NEDD4L: variants seen among roughly 807,000 people sequenced by gnomAD.
NEDD4L encodes the protein NEDD4 like E3 ubiquitin protein ligase, also known as E3 ubiquitin-protein ligase NEDD4-like.
In NEDD4L, 54 loss-of-function variants were observed where a neutral mutation model predicts 148.9. That is an observed-to-expected ratio of 0.36 (90% CI 0.29 to 0.45). The LOEUF (loss-of-function observed/expected upper bound fraction) is 0.45, where lower values mean the gene tolerates loss of function less well. Among genes scored for constraint, NEDD4L ranks in the 20% least tolerant of loss-of-function variants. NEDD4L has a pLI of 1.00. For missense variants in NEDD4L, 856 were observed against 1,233.8 expected (o/e 0.69, Z 4.59); for synonymous variants, 433 against 440.7 (o/e 0.98, Z 0.22).
intron 2 of NEDD4L, among the ~76,000 whole-genome samples, chr18:58,226,229 C>A (rs1320319545): frequency 1.3e-5 from 2 of 152,188 alleles, no homozygotes; most frequent in Admixed American, 1.3e-4. Context: ...GGAATATCCT[C>A]AGAGAGAATT....
chr18:58,358,080 A>G (rs924120525), intron 19 of NEDD4L, among the ~76,000 whole-genome samples: 5 of 152,234 alleles, frequency 3.3e-5, no homozygotes, highest in African/African-American at 1.2e-4. Flanking sequence ...AGTTTGTTAT[A>G]TCACATGCTG....
chr18:58,103,293 T>TA, intron 1 of NEDD4L, among the ~76,000 whole-genome samples: 1 of 147,922 alleles, frequency 6.8e-6, no homozygotes, highest in African/African-American at 2.5e-5. Flanking sequence ...ATATATATAA[T>TA]TATATATTAT....
chr18:58,191,727 G>C (rs1340969450), intron 2 of NEDD4L, among the ~76,000 whole-genome samples: 2 of 152,166 alleles, frequency 1.3e-5, no homozygotes, highest in Non-Finnish European at 2.9e-5. Flanking sequence ...GCATATAATT[G>C]GTGATTTCAG....
Position 58,165,793 on chromosome 18 carries a change from G to A in NEDD4L, c.54G>A (p.Glu18=). The A allele has an allele frequency of 1.2e-6, 2 of 1,610,294 alleles. No homozygotes were observed. The highest frequency in any genetic ancestry group is 1.7e-6 in the Non-Finnish European group (2 of 1,177,952). ...TTTTGTTCTCCTTCTCACAGGGAGAGTCCCGTATTCTCAGAGTAAAAGTTG... is the reference window on the plus strand; with the variant it reads ...TTTTGTTCTCCTTCTCACAGGGAGAATCCCGTATTCTCAGAGTAAAAGTTG... ...PVYGLSEDEG[E]SRILRVKVVS... is the part of the protein sequence containing the mutation. The change falls in exon 2 of 31, where the codon GAG becomes GAA. Residue 18 remains glutamate (E), a synonymous_variant. Coordinates refer to ENST00000400345, the MANE Select transcript of NEDD4L (RefSeq NM_001144967.3).
chr18:58,316,127 C>T (rs559224703), intron 6 of NEDD4L, 95 bp downstream of exon 6: 35 of 1,023,416 alleles, frequency 3.4e-5, no homozygotes, highest in East Asian at 1.2e-4. Context: ...TTCTTCACCA[C>T]GGTGAAGAAG....
intron 5 of NEDD4L, among the ~76,000 whole-genome samples, chr18:58,311,917 A>G (rs1049306891): frequency 2.0e-5 from 3 of 152,174 alleles, no homozygotes; most frequent in Non-Finnish European, 4.4e-5. Context: ...TCCCAGTGGC[A>G]TCCACCCTTG....
intron 1 of NEDD4L, among the ~76,000 whole-genome samples, chr18:58,159,398 C>T (rs1018587968): frequency 2.0e-5 from 3 of 151,966 alleles, no homozygotes; most frequent in South Asian, 2.1e-4. Context: ...CGATGGGCTT[C>T]GGGTGATTTC....
intron 5 of NEDD4L, among the ~76,000 whole-genome samples, chr18:58,281,080 C>G (rs1452826072): frequency 6.6e-6 from 1 of 152,104 alleles, no homozygotes; most frequent in Non-Finnish European, 1.5e-5. Context: ...TGGGCTCAAG[C>G]GATCCTCCCG....
At chr18:58,047,550 T>C in intron 1 of NEDD4L, 2 of 975,088 alleles carry the variant, frequency 2.1e-6, no homozygotes, top group Non-Finnish European at 2.4e-6. Flanking sequence ...TGTGAATGTA[T>C]GTGCTGTTTA....
At chr18:58,353,639 C>CCT (rs898651666) in intron 18 of NEDD4L, among the ~76,000 whole-genome samples, 6 of 152,202 alleles carry the variant, frequency 3.9e-5, no homozygotes, top group African/African-American at 1.4e-4. Flanking sequence ...CTGCAGAATA[C>CCT]CTATCTTTTG....
intron 2 of NEDD4L, among the ~76,000 whole-genome samples, chr18:58,186,761 ACT>A (rs997160208): frequency 4.6e-5 from 7 of 152,050 alleles, no homozygotes; most frequent in African/African-American, 1.7e-4. Flanking sequence ...GCTTGCATAG[ACT>A]CTCTTCTCAT....
rs2081624390 is a variant in NEDD4L, at chr18:58,047,183, AGTTTGCAGACTTGGT to A, written c.48+2478_48+2492del. 5.3e-6 allele frequency: 5 copies of A among 941,116 alleles called. No homozygotes were observed. The South Asian group carries it at 1.5e-4, about 28-fold the overall frequency. The allele number at this position is 941,116 out of a possible 1,614,324, so 58.3% of individuals were successfully genotyped here. A position where few individuals can be genotyped will look rare whatever the true frequency, so the allele number is the denominator to read the frequency against. ...AGGCGTATTAAATATGGGTACACTT[AGTTTGCAGACTTGGT>A]GTGCTGCAGAATATCACATATGAAG... On this transcript the variant is annotated intron_variant, in intron 1 of 30. Transcript: ENST00000400345.
chr18:58,369,212 G>A (rs546060175), intron 22 of NEDD4L, among the ~76,000 whole-genome samples: 33 of 152,182 alleles, frequency 2.2e-4, no homozygotes, highest in Non-Finnish European at 4.3e-4. Context: ...GCATTTGAGC[G>A]TTCAAAGGCT....
At chr18:58,337,351 C>T (rs2041905338) in intron 13 of NEDD4L, among the ~76,000 whole-genome samples, 1 of 152,180 alleles carries the variant, frequency 6.6e-6, no homozygotes, top group Non-Finnish European at 1.5e-5. Flanking sequence ...TGTTTCTCTT[C>T]CACATCCTTT....
At chr18:58,088,270 C>G (rs751285056) in intron 1 of NEDD4L, among the ~76,000 whole-genome samples, 9 of 152,204 alleles carry the variant, frequency 5.9e-5, no homozygotes, top group Non-Finnish European at 1.0e-4. Context: ...TACACGTCAG[C>G]ATTATTCATT....
chr18:58,075,821 C>T (rs2083126257), intron 1 of NEDD4L, among the ~76,000 whole-genome samples: 1 of 151,960 alleles, frequency 6.6e-6, no homozygotes, highest in African/African-American at 2.4e-5. Flanking sequence ...GTCCCAGCTA[C>T]TCGGGAGTGA....
intron 2 of NEDD4L, among the ~76,000 whole-genome samples, chr18:58,182,574 C>T (rs1029642833): frequency 8.0e-5 from 11 of 137,208 alleles, no homozygotes; most frequent in Middle Eastern, 4.6e-3. Flanking sequence ...AGTGCAGAGG[C>T]GCAACCTCAG....
chr18:58,250,289 A>C (rs2047745753), intron 4 of NEDD4L, among the ~76,000 whole-genome samples: 1 of 152,110 alleles, frequency 6.6e-6, no homozygotes, highest in African/African-American at 2.4e-5. Flanking sequence ...AGCTGGGACT[A>C]TAGGCCCGTA....
chr18:58,238,390 G>A (rs2046268089), intron 2 of NEDD4L, among the ~76,000 whole-genome samples: 3 of 152,230 alleles, frequency 2.0e-5, no homozygotes, highest in African/African-American at 4.8e-5. Context: ...ATATGTAACT[G>A]TTATTAGTTT....
Sources: gnomAD v4.1 joint callset for allele counts (sites outside exome capture counted in the v4.1 genomes callset) on GRCh38, gnomAD v4.1.1 for gene constraint, MANE v1.5 for transcripts, NCBI Gene and HGNC (gene_info 2026-07-23, HGNC 2026-07-21) for gene names.